Variants in PLEKHG1 observed in about 807,000 individuals in gnomAD.
PLEKHG1 encodes the protein pleckstrin homology domain-containing family G member 1.
A neutral mutation model predicts 100.8 loss-of-function variants in PLEKHG1; 44 were observed. The observed-to-expected ratio is 0.44, with a 90% CI of 0.34 to 0.56. The LOEUF is 0.56. PLEKHG1 is among the 20% of genes least tolerant of loss of function. The pLI, the probability that PLEKHG1 is intolerant of heterozygous loss-of-function variation, is 0.01. For synonymous variants in PLEKHG1, 640 were observed against 662.5 expected (o/e 0.97, Z 0.52); for missense variants, 1,545 against 1,720.9 (o/e 0.90, Z 1.81).
intron 1 of PLEKHG1, among the ~76,000 whole-genome samples, chr6:150,732,691 C>T (rs1399432071): frequency 6.6e-6 from 1 of 152,174 alleles, no homozygotes; most frequent in Non-Finnish European, 1.5e-5. Flanking sequence ...GATCTCGGCT[C>T]ACTGCAACCT....
intron 2 of PLEKHG1, among the ~76,000 whole-genome samples, chr6:150,757,500 C>T (rs1783909822): frequency 6.6e-6 from 1 of 152,148 alleles, no homozygotes; most frequent in Non-Finnish European, 1.5e-5. Context: ...GCATGCAGAG[C>T]TCATGGATGA....
chr6:150,729,784 T>G (rs1035198556), intron 1 of PLEKHG1, among the ~76,000 whole-genome samples: 2 of 152,194 alleles, frequency 1.3e-5, no homozygotes, highest in African/African-American at 4.8e-5. Flanking sequence ...CAGCCAGGCC[T>G]GTACGTGGAC....
At chr6:150,671,088 C>CATATATATATATATATATATATAT (rs10566696) in intron 3 of PLEKHG1, among the ~76,000 whole-genome samples, 35 of 147,492 alleles carry the variant, frequency 2.4e-4, no homozygotes, top group African/African-American at 7.5e-4. Flanking sequence ...AGTATTCCAT[C>CATATATATATATATATATATATAT]ATATATATAT....
At chr6:150,772,037 C>G (rs1307248638) in intron 3 of PLEKHG1, among the ~76,000 whole-genome samples, 1 of 152,128 alleles carries the variant, frequency 6.6e-6, no homozygotes, top group Non-Finnish European at 1.5e-5. Context: ...TATACCCTTC[C>G]CCAGTCACAT....
intron 2 of PLEKHG1, among the ~76,000 whole-genome samples, chr6:150,756,232 C>T (rs571638364): frequency 6.6e-6 from 1 of 152,252 alleles, no homozygotes; most frequent in South Asian, 2.1e-4. Context: ...TCACTTTGGC[C>T]CACGCACCTT....
At chr6:150,660,678 TTATC>T (rs778313509) in intron 3 of PLEKHG1, among the ~76,000 whole-genome samples, 2 of 152,192 alleles carry the variant, frequency 1.3e-5, no homozygotes, top group Non-Finnish European at 1.5e-5. Context: ...ACTCCAAACT[TTATC>T]TATAATTCCA....
In PLEKHG1 at chr6:150,653,548, G is replaced by A. The variant is rs116965711; in HGVS notation, c.-99+2762G>A. On this transcript the variant is annotated intron_variant, in intron 3 of 3. Transcript: ENST00000367326. ...GCTTGAGCCTAGGAGTTCGAGACCA[G>A]CCTGGGCAATATGGCAACACGGTGA... is the stretch of plus-strand genomic sequence containing the variant. Among the ~76,000 whole-genome samples, 59 of 152,206 alleles carry A rather than the reference G, an allele frequency of 3.9e-4. No individual in the cohort carries two copies. In the East Asian group the frequency reaches 9.7e-3, roughly 25 times the overall value.
intron 4 of PLEKHG1, among the ~76,000 whole-genome samples, chr6:150,788,861 GCA>G (rs911028398): frequency 1.9e-4 from 29 of 151,986 alleles, no homozygotes; most frequent in Admixed American, 5.9e-4. Flanking sequence ...GAGTGTGTGT[GCA>G]CACACACACG....
In PLEKHG1 at chr6:150,827,902, C is replaced by A; in HGVS notation, c.1471-2680C>A. 6.4e-6 allele frequency: 10 copies of A among 1,554,176 alleles called. 1 individual carries two copies. The South Asian group carries it at 1.1e-4, about 17-fold the overall frequency. ...GAAATGTACAGACAGCAGAGACTGG[C>A]TGAGTGGAAAGCAACTAAACTGAAG... is the stretch of plus-strand genomic sequence containing the variant. On this transcript the variant is annotated intron_variant, in intron 14 of 15. Transcript: ENST00000358517.
rs200683289 is a variant in PLEKHG1 at position 150,706,976 on chromosome 6, CTTTTCTTTTCT to C, written c.-98-26598_-98-26588del. ...AGCATATGTTTCATTTTCTTTTTTT[CTTTTCTTTTCT>C]TTTTCTTTTTCTTTTTTTTTTTTTT... On this transcript the variant is annotated intron_variant, in intron 3 of 3. Coordinates refer to the PLEKHG1 transcript ENST00000367326. 1.3e-3 allele frequency among the ~76,000 whole-genome samples: 59 copies of C among 46,224 alleles called. 1 individual carries two copies. The East Asian group carries it at 0.019, about 15-fold the overall frequency. The allele number at this position is 46,224 out of a possible 152,430, so 30.3% of individuals were successfully genotyped here. A position where few individuals can be genotyped will look rare whatever the true frequency, so the allele number is the denominator to read the frequency against.
chr6:150,680,257 A>T (rs758983780), intron 3 of PLEKHG1, among the ~76,000 whole-genome samples: 9 of 152,216 alleles, frequency 5.9e-5, no homozygotes, highest in Non-Finnish European at 1.2e-4. Context: ...AAGTGAATTA[A>T]GAAGTAAAGA....
chr6:150,788,044 T>C (rs1415144089), intron 4 of PLEKHG1, among the ~76,000 whole-genome samples: 1 of 152,238 alleles, frequency 6.6e-6, no homozygotes, highest in African/African-American at 2.4e-5. Flanking sequence ...CGTTTGGGCT[T>C]TTACTGGTAA....
intron 6 of PLEKHG1, 36 bp from the exon 8 acceptor site, chr6:150,804,573 TG>T (rs775396817): frequency 7.2e-6 from 10 of 1,385,666 alleles, no homozygotes; most frequent in South Asian, 1.3e-5. Context: ...GAAAATAAAA[TG>T]AAAAAAAAAA....
chr6:150,610,412 C>G (rs1776774944), intron 1 of PLEKHG1, among the ~76,000 whole-genome samples: 1 of 152,196 alleles, frequency 6.6e-6, no homozygotes, highest in African/African-American at 2.4e-5. Context: ...TATTCTAGCA[C>G]TTTCTATGTG....
chr6:150,702,315 C>T (rs1214001041), intron 3 of PLEKHG1, among the ~76,000 whole-genome samples: 1 of 151,998 alleles, frequency 6.6e-6, no homozygotes, highest in African/African-American at 2.4e-5. Flanking sequence ...ACTAAAAATA[C>T]AAAAATCAGC....
chr6:150,733,654 G>C (rs201661785), exon 2 of PLEKHG1: 2 of 1,613,978 alleles, frequency 1.2e-6, no homozygotes, highest in Non-Finnish European at 1.7e-6. Context: ...CGACAGCCAG[G>C]CGTTCCTGCC....
chr6:150,753,530 A>C (rs1349969998), intron 2 of PLEKHG1, among the ~76,000 whole-genome samples: 1 of 152,116 alleles, frequency 6.6e-6, no homozygotes, highest in African/African-American at 2.4e-5. Flanking sequence ...CCATAAATAC[A>C]CAACTGCTGA....
chr6:150,822,797 T>C (rs996595838), intron 13 of PLEKHG1, among the ~76,000 whole-genome samples: 10 of 152,138 alleles, frequency 6.6e-5, no homozygotes, highest in Admixed American at 1.3e-4. Flanking sequence ...CTGGCCAACA[T>C]GGCAAGATCC....
intron 14 of PLEKHG1, among the ~76,000 whole-genome samples, chr6:150,825,709 AC>A (rs1213346177): frequency 7.9e-5 from 12 of 152,238 alleles, no homozygotes; most frequent in Non-Finnish European, 1.5e-5. Context: ...GTGGATTAAG[AC>A]ATGGATTCAA....
Sources: gnomAD v4.1 joint callset for allele counts (sites outside exome capture counted in the v4.1 genomes callset) on GRCh38, gnomAD v4.1.1 for gene constraint, MANE v1.5 for transcripts, NCBI Gene and HGNC (gene_info 2026-07-23, HGNC 2026-07-21) for gene names.